The following DYM variants were observed in gnomAD, a reference collection of about 807,000 sequenced individuals.
DYM encodes the protein dymeclin, also known as dyggve-Melchior-Clausen syndrome protein.
Under a neutral mutation model 93.1 loss-of-function variants are expected in DYM, and 78 were observed. The observed-to-expected ratio is 0.84, with a 90% CI of 0.70 to 1.01. DYM has a LOEUF of 1.01. Ranked by LOEUF, DYM falls within the 50% of genes least tolerant of loss-of-function variation. DYM has a pLI of 0.00. For missense variants in DYM, 789 were observed against 845.0 expected (o/e 0.93, Z 0.82); for synonymous variants, 321 against 319.7 (o/e 1.00, Z -0.04).
intron 6 of DYM, among the ~76,000 whole-genome samples, chr18:49,348,344 G>C (rs529046635): frequency 6.6e-6 from 1 of 152,068 alleles, no homozygotes; most frequent in African/African-American, 2.4e-5. Flanking sequence ...ATATGCTATA[G>C]TACAGATATT....
At chr18:49,332,734 C>A (rs1234949205) in intron 7 of DYM, among the ~76,000 whole-genome samples, 3 of 152,102 alleles carry the variant, frequency 2.0e-5, no homozygotes, top group African/African-American at 7.2e-5. Context: ...TATGTGGCAC[C>A]ATAATGATAC....
chr18:49,114,657 T>C, intron 16 of DYM: 1 of 816,506 alleles, frequency 1.2e-6, no homozygotes, highest in South Asian at 5.6e-5. Context: ...AGACTTTTTT[T>C]TTCTTTTTCT....
rs186919165 is a variant in DYM at position 49,052,967 on chromosome 18, G to T, written c.2026-8763C>A. On this transcript the variant is annotated intron_variant, in intron 17 of 17. Transcript: ENST00000675505. ...CCCTGGCTTTCACGCTTCTCTTTCC[G>T]AGATACTTGTCCTGTGACACAGCTC... Among the ~76,000 whole-genome samples, 101 of 152,292 alleles carry T rather than the reference G, an allele frequency of 6.6e-4. 1 individual carries two copies. Among genetic ancestry groups the T allele is most frequent in the Non-Finnish European group, 1.1e-3 (77 of 68,028 alleles).
chr18:49,044,280 T>A, intron 17 of DYM, 76 bp from the exon 18 acceptor site: 1 of 1,561,804 alleles, frequency 6.4e-7, no homozygotes. Context: ...TTGCAGGTGG[T>A]GCTGTGGTGT....
At chr18:49,094,969 C>A (rs2079412548) in intron 17 of DYM, among the ~76,000 whole-genome samples, 1 of 152,146 alleles carries the variant, frequency 6.6e-6, no homozygotes, top group African/African-American at 2.4e-5. Context: ...TTTTAAGAAA[C>A]AACAAATCAA....
intron 13 of DYM, among the ~76,000 whole-genome samples, chr18:49,242,525 T>G (rs984719364): frequency 3.3e-5 from 5 of 152,166 alleles, no homozygotes; most frequent in Admixed American, 1.3e-4. Context: ...CAAATTAAAA[T>G]TGGATGAAGG....
chr18:49,440,547 TTTATA>T (rs2081278002), intron 1 of DYM, among the ~76,000 whole-genome samples: 1 of 3,836 alleles, frequency 2.6e-4, no homozygotes, highest in East Asian at 0.019. Context: ...ATATTATATA[TTTATA>T]TAATATATGA....
At chr18:49,223,868 T>G (rs1391281918) in intron 13 of DYM, among the ~76,000 whole-genome samples, 3 of 152,098 alleles carry the variant, frequency 2.0e-5, no homozygotes, top group Admixed American at 6.6e-5. Context: ...GGAGCTGACC[T>G]TGGGGAAGAA....
At position 49,039,078 on chromosome 18, in the gene DYM, T is replaced by C. The variant is rs549446307; in HGVS notation, c.*4977A>G. On this transcript the variant is annotated 3_prime_UTR_variant, in exon 18 of 18. Coordinates refer to ENST00000675505, the MANE Select transcript of DYM (RefSeq NM_001353214.3). ...TTTCCTTCTGCCTGTAAAACACCTT[T>C]TAAATTTTCCTTTAGGGTAGGCGTG... is the stretch of plus-strand genomic sequence containing the variant. Among the ~76,000 whole-genome samples the C allele has an allele frequency of 6.0e-4, 91 of 152,334 alleles. No homozygotes were observed. The highest frequency in any genetic ancestry group is 1.0e-3 in the Non-Finnish European group (68 of 68,018).
chr18:49,364,688 A>T (rs2066348580), intron 5 of DYM, among the ~76,000 whole-genome samples: 1 of 152,154 alleles, frequency 6.6e-6, no homozygotes, highest in African/African-American at 2.4e-5. Flanking sequence ...ACTCTTGGAG[A>T]TATAGGTCCT....
chr18:49,245,757 C>T (rs1018128438), intron 13 of DYM, among the ~76,000 whole-genome samples: 1 of 152,138 alleles, frequency 6.6e-6, no homozygotes, highest in Non-Finnish European at 1.5e-5. Flanking sequence ...ACTCCCTGTT[C>T]GTACACCCCC....
At chr18:49,317,646 C>CTCCTTCCTTCCTTCCTTCCTTCCT (rs71297073) in intron 8 of DYM, among the ~76,000 whole-genome samples, 2 of 36,564 alleles carry the variant, frequency 5.5e-5, no homozygotes, top group African/African-American at 1.1e-4. Flanking sequence ...ATCCTCTCCT[C>CTCCTTCCTTCCTTCCTTCCTTCCT]TCCTTCCTTC....
At chr18:49,183,398 C>T (rs1184584090) in intron 14 of DYM, among the ~76,000 whole-genome samples, 1 of 152,136 alleles carries the variant, frequency 6.6e-6, no homozygotes, top group East Asian at 1.9e-4. Flanking sequence ...TTGTGCCCAT[C>T]ACTCTTTACT....
At chr18:49,255,302 C>A (rs1384870677) in intron 13 of DYM, among the ~76,000 whole-genome samples, 1 of 152,130 alleles carries the variant, frequency 6.6e-6, no homozygotes, top group Non-Finnish European at 1.5e-5. Context: ...CCCTTGAGCC[C>A]AGGAGTTTGA....
In DYM at chr18:49,145,134, T is replaced by TATATATATATATATATATATATATATAA. The variant is rs1555778609; in HGVS notation, c.1728+18550_1728+18551insTTATATATATATATATATATATATATAT. On this transcript the variant is annotated intron_variant, in intron 15 of 17. Coordinates refer to ENST00000675505, the MANE Select transcript of DYM (RefSeq NM_001353214.3). ...ATATATATATATATATATATATATA[T>TATATATATATATATATATATATATATAA]AATTTATATATATAATATACAAATA... 1.1e-3 allele frequency among the ~76,000 whole-genome samples: 84 copies of TATATATATATATATATATATATATATAA among 79,528 alleles called. 9 individuals carry two copies. The highest frequency in any genetic ancestry group is 1.5e-3 in the Non-Finnish European group (60 of 39,392). The allele number at this position is 79,528 out of a possible 152,430, so 52.2% of individuals were successfully genotyped here. A position where few individuals can be genotyped will look rare whatever the true frequency, so the allele number is the denominator to read the frequency against.
chr18:49,253,176 T>A (rs2094325550), intron 13 of DYM, among the ~76,000 whole-genome samples: 1 of 152,226 alleles, frequency 6.6e-6, no homozygotes, highest in Non-Finnish European at 1.5e-5. Flanking sequence ...CTTCTAAGTT[T>A]TGCAACTGAC....
chr18:49,208,464 T>C (rs1443580899), intron 14 of DYM: 3 of 152,202 alleles, frequency 2.0e-5, no homozygotes, highest in Non-Finnish European at 4.4e-5. Context: ...CCCTCAGTTT[T>C]TTATTTCTCA....
At chr18:49,368,525 G>A (rs1362302895) in intron 5 of DYM, 2 of 152,040 alleles carry the variant, frequency 1.3e-5, no homozygotes, top group African/African-American at 2.4e-5. Context: ...AACTAATAAG[G>A]TTAAATTATT....
chr18:49,433,495 C>T (rs566804073), intron 1 of DYM, among the ~76,000 whole-genome samples: 1 of 152,212 alleles, frequency 6.6e-6, no homozygotes, highest in South Asian at 2.1e-4. Context: ...TCTACGAGTG[C>T]TAAACCTTCA....
Sources: allele counts gnomAD v4.1 joint callset (sites outside exome capture counted in the v4.1 genomes callset), GRCh38; gene constraint gnomAD v4.1.1; transcripts MANE v1.5; gene names NCBI Gene and HGNC (gene_info 2026-07-23, HGNC 2026-07-21).